Variants in NF1 observed in about 807,000 individuals in gnomAD.
The protein encoded by NF1 is neurofibromin 1, also known as neurofibromin.
A neutral mutation model predicts 325.7 loss-of-function variants in NF1; 122 were observed. The observed-to-expected ratio is 0.37, with a 90% CI of 0.32 to 0.44. The LOEUF (loss-of-function observed/expected upper bound fraction) is 0.44. NF1 is among the 20% of genes least tolerant of loss of function. NF1 has a pLI of 1.00. For missense variants in NF1, 2,140 were observed against 3,415.4 expected (o/e 0.63, Z 9.31); for synonymous variants, 1,091 against 1,186.0 (o/e 0.92, Z 1.65).
At chr17:31,295,593 C>G in intron 36 of NF1, 2 of 1,614,082 alleles carry the variant, frequency 1.2e-6, no homozygotes, top group South Asian at 1.1e-5. Flanking sequence ...ATCACATGGG[C>G]TTTTGTTTCC....
rs117566669 is a variant in NF1 at position 31,100,283 on chromosome 17, G to A, written c.60+4914G>A. ...TATAAAATGATTGGCAAGTATCTTC[G>A]AAATTACAAACCACATACTGATTAG... On this transcript the variant is annotated intron_variant, in intron 1 of 57. Transcript: ENST00000358273. 5.8e-4 allele frequency among the ~76,000 whole-genome samples: 89 copies of A among 152,182 alleles called. 1 individual carries two copies. In the East Asian group the frequency reaches 0.012, roughly 20 times the overall value.
chr17:31,351,380 C>T (rs889887484), intron 50 of NF1, among the ~76,000 whole-genome samples: 1 of 152,058 alleles, frequency 6.6e-6, no homozygotes, highest in South Asian at 2.1e-4. Flanking sequence ...TTGATTTAGC[C>T]ATTCTACAAT....
At chr17:31,294,799 A>T (rs1476023225) in intron 36 of NF1, 1 of 620,262 alleles carries the variant, frequency 1.6e-6, no homozygotes, top group Non-Finnish European at 2.8e-6. Context: ...AGTTTACTTA[A>T]TTAAGACAGT....
At chr17:31,211,379 A>G (rs2066726185) in intron 12 of NF1, among the ~76,000 whole-genome samples, 1 of 152,240 alleles carries the variant, frequency 6.6e-6, no homozygotes, top group African/African-American at 2.4e-5. Context: ...GAATTTCTGA[A>G]GTCATACATT....
chr17:31,204,706 G>A (rs958670466), intron 11 of NF1, among the ~76,000 whole-genome samples: 2 of 151,952 alleles, frequency 1.3e-5, no homozygotes, highest in Non-Finnish European at 2.9e-5. Context: ...AATTTGAATA[G>A]GATGTTATAT....
chr17:31,207,366 A>G (rs2066642669), intron 12 of NF1, among the ~76,000 whole-genome samples: 1 of 152,156 alleles, frequency 6.6e-6, no homozygotes, highest in Non-Finnish European at 1.5e-5. Flanking sequence ...AGATAATTTA[A>G]ACAGCTTTCT....
intron 57 of NF1, among the ~76,000 whole-genome samples, chr17:31,373,609 T>C (rs2070686162): frequency 6.6e-6 from 1 of 152,222 alleles, no homozygotes; most frequent in Non-Finnish European, 1.5e-5. Context: ...GGTTGTATCT[T>C]ATCACAAATA....
At chr17:31,208,821 G>A (rs952691594) in intron 12 of NF1, among the ~76,000 whole-genome samples, 7 of 152,042 alleles carry the variant, frequency 4.6e-5, no homozygotes, top group African/African-American at 1.7e-4. Context: ...AACCTGGGAG[G>A]CAGAGGTTGC....
intron 36 of NF1, among the ~76,000 whole-genome samples, chr17:31,279,191 G>A (rs1162585921): frequency 6.6e-6 from 1 of 152,096 alleles, no homozygotes; most frequent in African/African-American, 2.4e-5. Flanking sequence ...AGGTTGCAGT[G>A]AGCTATGTTC....
At chr17:31,340,346 A>G in intron 46 of NF1, 159 bp from the exon 47 acceptor site, 2 of 838,196 alleles carry the variant, frequency 2.4e-6, no homozygotes, top group Non-Finnish European at 3.8e-6. Flanking sequence ...AGTTATACAT[A>G]TGGAAAAGTG....
At chr17:31,136,322 CTG>C (rs1915770242) in intron 1 of NF1, 1 of 96,624 alleles carries the variant, frequency 1.0e-5, no homozygotes, top group Admixed American at 1.4e-4. Context: ...GAGCAAGACT[CTG>C]TCTCAAAAAA....
chr17:31,237,125 T>C (rs1456555193), intron 29 of NF1, among the ~76,000 whole-genome samples: 1 of 152,240 alleles, frequency 6.6e-6, no homozygotes. Context: ...TTGTTCTTCC[T>C]AAATAATCAT....
chr17:31,240,784 T>C (rs1235638), intron 29 of NF1, among the ~76,000 whole-genome samples: 151,973 of 152,290 alleles, frequency 1, 75,831 homozygotes, highest in Middle Eastern at 1. Flanking sequence ...TTTAGGGTGA[T>C]GTGATATCTC....
rs759424718 is a variant in NF1, at chr17:31,357,052, A to G, written c.7831A>G (p.Thr2611Ala). Residue 2611 changes from threonine to alanine, a missense_variant, in exon 53 of 58, where the codon ACT (threonine) becomes GCT (alanine). This residue lies in a region of NF1 where 522 missense variants were observed against 749.0 expected (regional missense o/e 0.70). Transcript: ENST00000358273. ...SNVLLDEEVL[T>A]DPKIQALLLT... ...TGTTCTCTTGGATGAAGAAGTACTT[A>G]CTGATCCGAAGATCCAGGCGCTGCT... is the stretch of plus-strand genomic sequence containing the variant. 6.2e-7 allele frequency: 1 copy of G among 1,613,910 alleles called. No homozygotes were observed. The highest frequency in any genetic ancestry group is 1.7e-5 in the Admixed American group (1 of 60,028).
intron 1 of NF1, among the ~76,000 whole-genome samples, chr17:31,101,452 C>T (rs77370186): frequency 9.1e-4 from 139 of 152,160 alleles, no homozygotes; most frequent in Non-Finnish European, 1.8e-3. Flanking sequence ...TTTAAATATT[C>T]GATGATTTTA....
At chr17:31,222,059 T>G (rs1214458494) in intron 15 of NF1, 130 bp downstream of exon 15, 1 of 1,274,708 alleles carries the variant, frequency 7.8e-7, no homozygotes, top group Non-Finnish European at 1.0e-6. Flanking sequence ...GTTTTGTATT[T>G]TATTTGACTT....
At chr17:31,354,359 G>T (rs1419356463) in intron 51 of NF1, among the ~76,000 whole-genome samples, 1 of 152,106 alleles carries the variant, frequency 6.6e-6, no homozygotes. Flanking sequence ...AAGAGCAGTG[G>T]GGAATAGCAA....
Position 31,270,175 on chromosome 17 carries a change from A to G in NF1, c.4835+4836A>G, listed in dbSNP as rs118022210. 3.0e-3 allele frequency among the ~76,000 whole-genome samples: 459 copies of G among 152,370 alleles called. 3 individuals are homozygous for G. Among genetic ancestry groups the G allele is most frequent in the Non-Finnish European group, 4.8e-3 (328 of 68,046 alleles). On this transcript the variant is annotated intron_variant, in intron 36 of 57. Coordinates refer to ENST00000358273, the MANE Select transcript of NF1 (RefSeq NM_001042492.3). ...GACTGAGAAATGTATGAAAGTATAC[A>G]TATTAACTGTTCACATTGCTTATCT... is the stretch of plus-strand genomic sequence containing the variant.
intron 1 of NF1, among the ~76,000 whole-genome samples, chr17:31,101,134 T>G (rs1912295324): frequency 6.6e-6 from 1 of 152,040 alleles, no homozygotes; most frequent in African/African-American, 2.4e-5. Context: ...CCTTTATAAC[T>G]CTGAAAAGTA....
Sources: gnomAD v4.1 joint callset for allele counts (sites outside exome capture counted in the v4.1 genomes callset) on GRCh38, gnomAD v4.1.1 for gene constraint, gnomAD v4.1.1 regional missense constraint, MANE v1.5 for transcripts, NCBI Gene and HGNC (gene_info 2026-07-23, HGNC 2026-07-21) for gene names.